The following ETV7 variants were observed in gnomAD, a reference collection of about 807,000 sequenced individuals.
ETV7 encodes transcription factor ETV7.
In ETV7, 43 loss-of-function variants were observed where a neutral mutation model predicts 39.1. The observed-to-expected ratio is 1.10, with a 90% CI of 0.86 to 1.42. The LOEUF is 1.42. Ranked by LOEUF, ETV7 falls within the 40% of genes most tolerant of loss-of-function variation. The pLI, the probability that ETV7 is intolerant of heterozygous loss-of-function variation, is 0.00. For missense variants in ETV7, 432 were observed against 442.3 expected, an observed-to-expected ratio of 0.98 and a Z score of 0.21; for synonymous variants, 196 against 176.6, an observed-to-expected ratio of 1.11 and a Z score of -0.87.
downstream of ETV7, among the ~76,000 whole-genome samples, chr6:36,362,476 A>T (rs112098700): frequency 3.3e-5 from 5 of 151,194 alleles, 1 homozygote; most frequent in African/African-American, 1.2e-4. Flanking sequence ...AATTTGTGAG[A>T]AGTTCACTTT....
chr6:36,356,327 A>AAAAAAAAAC (rs1772337423), intron 7 of ETV7, among the ~76,000 whole-genome samples: 3 of 150,648 alleles, frequency 2.0e-5, no homozygotes, highest in Non-Finnish European at 4.4e-5. Context: ...CTGTCTCAAA[A>AAAAAAAAAC]AAAAAAAAAA....
chr6:36,362,231 G>A (rs1214203174), downstream of ETV7, among the ~76,000 whole-genome samples: 1 of 152,092 alleles, frequency 6.6e-6, no homozygotes, highest in Non-Finnish European at 1.5e-5. Flanking sequence ...GAACCCGGGA[G>A]GCAGAGCTTG....
downstream of ETV7, among the ~76,000 whole-genome samples, chr6:36,362,884 A>G (rs950434990): frequency 2.0e-5 from 3 of 152,208 alleles, no homozygotes; most frequent in Admixed American, 2.0e-4. Flanking sequence ...CCAGCAGGCA[A>G]ACACCACTTA....
At chr6:36,364,576 G>T (rs941290049), downstream of ETV7, among the ~76,000 whole-genome samples, 2 of 152,248 alleles carry the variant, frequency 1.3e-5, no homozygotes, top group Admixed American at 1.3e-4. Context: ...TGGCCCGCAA[G>T]CGCCGCGCAC....
intron 7 of ETV7, among the ~76,000 whole-genome samples, chr6:36,359,911 C>A (rs1442748040): frequency 6.9e-6 from 1 of 144,374 alleles, no homozygotes; most frequent in African/African-American, 2.6e-5. Context: ...TTTTTTTTTT[C>A]TTTTGAGACC....
At chr6:36,362,491 C>A (rs937863172), downstream of ETV7, among the ~76,000 whole-genome samples, 2 of 132,052 alleles carry the variant, frequency 1.5e-5, no homozygotes, top group East Asian at 5.2e-4. Flanking sequence ...CACTTTGACA[C>A]ATGAAATTTT....
At position 36,375,921 on chromosome 6, in the gene ETV7, G is replaced by A. The variant is rs753400320; in HGVS notation, c.257C>T (p.Ala86Val). The A allele has an allele frequency of 9.9e-6, 16 of 1,613,904 alleles. No homozygotes were observed. The highest frequency in any genetic ancestry group is 2.7e-5 in the African/African-American group (2 of 74,926). ...AEHGFEMNGR[A>V]LCILTKDDFR... is the part of the protein sequence containing the mutation. ...GTCGTCCTTGGTGAGGATGCAGAGGGCGCGTCCGTTCATCTCGAACCCGTG... is the reference window on the plus strand; with the variant it reads ...GTCGTCCTTGGTGAGGATGCAGAGGACGCGTCCGTTCATCTCGAACCCGTG... The change falls in exon 3 of 8, where the codon GCC (alanine) becomes GTC (valine). Residue 86 changes from alanine (A) to valine (V), a missense_variant. Ala to Val is a moderately conservative substitution (Grantham distance 64, BLOSUM62 0). Transcript: ENST00000340181.
chr6:36,366,067 C>T (rs538747276), downstream of ETV7: 47 of 465,650 alleles, frequency 1.0e-4, 3 homozygotes, highest in South Asian at 3.6e-4. Context: ...CCAGCTACTC[C>T]GGAGGCTGAG....
downstream of ETV7, among the ~76,000 whole-genome samples, chr6:36,363,901 CA>C (rs757049136): frequency 3.0e-4 from 45 of 151,974 alleles, no homozygotes; most frequent in Non-Finnish European, 6.3e-4. Context: ...GGTGTATTTA[CA>C]AACCTTGAGG....
At chr6:36,368,299 C>T (rs939045009) in intron 6 of ETV7, among the ~76,000 whole-genome samples, 11 of 152,122 alleles carry the variant, frequency 7.2e-5, no homozygotes, top group African/African-American at 2.4e-4. Flanking sequence ...GGCTATAAAT[C>T]GATGATTATC....
Position 36,358,733 on chromosome 6 carries a change from T to G in ETV7, c.909-4046A>C, listed in dbSNP as rs570612816. Among the ~76,000 whole-genome samples the G allele has an allele frequency of 1.9e-4, 29 of 152,348 alleles. No individual in the cohort carries two copies. The South Asian group carries it at 6.0e-3, about 32-fold the overall frequency. On this transcript the variant is annotated intron_variant, in intron 7 of 7. Transcript: ENST00000339796. Reference sequence around the variant, plus strand: ...TCAGCTGTCCCCTGAGAATCTGATATGTACTCCCCACCCCACACCACAGGT... The same window carrying G: ...TCAGCTGTCCCCTGAGAATCTGATAGGTACTCCCCACCCCACACCACAGGT...
rs368679317 is a variant in ETV7 at position 36,377,120 on chromosome 6, G to A, written c.143-1085C>T. 2.3e-3 allele frequency among the ~76,000 whole-genome samples: 354 copies of A among 152,326 alleles called. 1 individual carries two copies. Among genetic ancestry groups the A allele is most frequent in the African/African-American group, 7.8e-3 (326 of 41,570 alleles). ...TTTGGATAGTGTTCAGCAGGGCTAC[G>A]TTACGACTTCATGAGCCCTTGACAC... is the stretch of plus-strand genomic sequence containing the variant. On this transcript the variant is annotated intron_variant, in intron 2 of 7. Coordinates refer to ENST00000340181, the MANE Select transcript of ETV7 (RefSeq NM_016135.4).
At chr6:36,375,321 C>T (rs1252145937) in intron 3 of ETV7, among the ~76,000 whole-genome samples, 1 of 152,116 alleles carries the variant, frequency 6.6e-6, no homozygotes, top group Non-Finnish European at 1.5e-5. Flanking sequence ...CCTGGAAGGC[C>T]CTGCTGCCCG....
At chr6:36,375,197 G>C (rs972774875) in intron 3 of ETV7, among the ~76,000 whole-genome samples, 4 of 152,062 alleles carry the variant, frequency 2.6e-5, no homozygotes, top group Admixed American at 2.6e-4. Context: ...TTGGCCAAAA[G>C]ACAAGGAACA....
At position 36,375,896 on chromosome 6, in the gene ETV7, G is replaced by A. The variant is rs2234076; in HGVS notation, c.282C>T (p.Asp94=). 569 of 1,614,078 alleles carry A rather than the reference G, an allele frequency of 3.5e-4. 2 individuals are homozygous for A. In the African/African-American group the frequency reaches 4.1e-3, roughly 12 times the overall value. Residue 94 remains aspartate (D), a synonymous_variant, in exon 3 of 8, where the codon GAC becomes GAT. Coordinates refer to ENST00000340181, the MANE Select transcript of ETV7 (RefSeq NM_016135.4). ...CTGAGCTGGGCGCACGGTGCCGGAA[G>A]TCGTCCTTGGTGAGGATGCAGAGGG... The part of the protein sequence containing the change: ...GRALCILTKD[D]FRHRAPSSGD...
intron 2 of ETV7, 54 bp downstream of exon 2, chr6:36,385,480 A>G: frequency 6.2e-7 from 1 of 1,610,946 alleles, no homozygotes; most frequent in Non-Finnish European, 8.5e-7. Context: ...TGGATCTAAA[A>G]CAAAATAAAA....
chr6:36,368,857 A>G, intron 6 of ETV7, 72 bp downstream of exon 6: 1 of 1,581,772 alleles, frequency 6.3e-7, no homozygotes, highest in South Asian at 1.1e-5. Context: ...CCATAGTGCT[A>G]GGGGTCCACT....
At chr6:36,363,153 G>A (rs1186729619), downstream of ETV7, among the ~76,000 whole-genome samples, 1 of 152,236 alleles carries the variant, frequency 6.6e-6, no homozygotes, top group Non-Finnish European at 1.5e-5. Flanking sequence ...GAACTGGTGG[G>A]TTCTTGGTCT....
intron 2 of ETV7, among the ~76,000 whole-genome samples, chr6:36,379,146 G>A (rs1379675785): frequency 3.3e-5 from 5 of 152,210 alleles, no homozygotes; most frequent in African/African-American, 7.2e-5. Context: ...CAGGGCTTCC[G>A]CGGCTAGGGT....
Sources: gnomAD v4.1 joint callset for allele counts (sites outside exome capture counted in the v4.1 genomes callset) on GRCh38, gnomAD v4.1.1 for gene constraint, MANE v1.5 for transcripts, NCBI Gene and HGNC (gene_info 2026-07-23, HGNC 2026-07-21) for gene names.